TBX4: variants seen among roughly 807,000 people sequenced by gnomAD.
TBX4 encodes T-box transcription factor 4.
TBX4 carries 13 observed loss-of-function variants against 54.6 expected under a neutral mutation model. The observed-to-expected ratio is 0.24, with a 90% CI of 0.15 to 0.38. The LOEUF (loss-of-function observed/expected upper bound fraction) is 0.38. Among genes scored for constraint, TBX4 ranks in the 10% least tolerant of loss-of-function variants. TBX4 has a pLI of 1.00. For synonymous variants in TBX4, 314 were observed against 306.7 expected, an observed-to-expected ratio of 1.02 and a Z score of -0.25; for missense variants, 631 against 728.5, an observed-to-expected ratio of 0.87 and a Z score of 1.54.
In TBX4 at chr17:61,462,564, G is replaced by A. The variant is rs1439889558; in HGVS notation, c.282-3255G>A. On this transcript the variant is annotated intron_variant, in intron 3 of 8. Transcript: ENST00000644296. This position sits in a 1 kb window ranked among gnomAD's most constrained non-coding sequence, Gnocchi z 4.5. The stretch of plus-strand genomic sequence containing the variant: ...GAGAGGGTGCAGGGAGGGGAGAGGG[G>A]GAGCGCGCAAGGAGGGGGCTGGCTG... Among the ~76,000 whole-genome samples, 2 of 151,380 alleles carry A rather than the reference G, an allele frequency of 1.3e-5. No individual in the cohort carries two copies. The highest frequency in any genetic ancestry group is 4.9e-5 in the African/African-American group (2 of 41,226).
chr17:61,467,369 T>G, intron 4 of TBX4, 141 bp from the exon 5 acceptor site: 1 of 917,458 alleles, frequency 1.1e-6, no homozygotes, highest in Non-Finnish European at 1.7e-6. Context: ...CTCCTACCCT[T>G]GAAGTACTAA....
At chr17:61,477,816 C>T (rs1011251403) in intron 5 of TBX4, among the ~76,000 whole-genome samples, 1 of 151,906 alleles carries the variant, frequency 6.6e-6, no homozygotes, top group African/African-American at 2.4e-5. Context: ...TGGAGCACAC[C>T]TGTAATTTCA....
In TBX4 at chr17:61,475,341, G is replaced by A. The variant is rs191444130; in HGVS notation, c.550-3286G>A. On this transcript the variant is annotated intron_variant, in intron 5 of 8. Transcript: ENST00000644296. The surrounding 1 kb of genome is among the most constrained non-coding windows in gnomAD (Gnocchi z 5.0). ...CCCCATATACTGGCAGCAGTGGTAG[G>A]AGGGGATGTGGGGGAAAGAGGAGGA... is the stretch of plus-strand genomic sequence containing the variant. 1.3e-5 allele frequency among the ~76,000 whole-genome samples: 2 copies of A among 152,360 alleles called. No individual in the cohort carries two copies. The highest frequency in any genetic ancestry group is 6.5e-5 in the Admixed American group (1 of 15,312).
intron 1 of TBX4, among the ~76,000 whole-genome samples, chr17:61,454,507 C>A (rs936734965): frequency 1.3e-5 from 2 of 152,212 alleles, no homozygotes; most frequent in Non-Finnish European, 2.9e-5. Flanking sequence ...GAGAGGACCG[C>A]GAGGACGGCC....
chr17:61,468,643 T>G lies in TBX4; in HGVS notation c.549+986T>G, dbSNP rs1048942555. Among the ~76,000 whole-genome samples the G allele has an allele frequency of 2.0e-5, 3 of 152,248 alleles. 1 individual carries two copies. The highest frequency in any genetic ancestry group is 2.9e-5 in the Non-Finnish European group (2 of 68,044). On this transcript the variant is annotated intron_variant, in intron 5 of 8. Coordinates refer to ENST00000644296, the MANE Select transcript of TBX4 (RefSeq NM_001321120.2). The stretch of plus-strand genomic sequence containing the variant: ...AGCTTCTAGTTTTAATTTCTCAGAA[T>G]CTATTCAGTTCGCTTCTGAGTCATT...
chr17:61,469,611 T>C (rs1301086191), intron 5 of TBX4, among the ~76,000 whole-genome samples: 1 of 152,226 alleles, frequency 6.6e-6, no homozygotes, highest in Non-Finnish European at 1.5e-5. Flanking sequence ...CCAGGCCTTC[T>C]GCTTCCAGGT....
At position 61,461,896 on chromosome 17, in the gene TBX4, T is replaced by TG. The variant is rs2060496603; in HGVS notation, c.282-3919dup. Among the ~76,000 whole-genome samples, 1 of 151,572 alleles carries TG rather than the reference T, an allele frequency of 6.6e-6. No individual in the cohort carries two copies. The highest frequency in any genetic ancestry group is 1.5e-5 in the Non-Finnish European group (1 of 67,902). ...GAGAAAGTCGGGGCTGCAGCGGGGT[T>TG]GGGGCTTGGGGGACCCTCCAGGTGG... On this transcript the variant is annotated intron_variant, in intron 3 of 8. Coordinates refer to ENST00000644296, the MANE Select transcript of TBX4 (RefSeq NM_001321120.2). The surrounding 1 kb of genome is among the most constrained non-coding windows in gnomAD (Gnocchi z 5.1).
In TBX4 at chr17:61,455,276, C is replaced by T. The variant is rs115284369; in HGVS notation, c.-3-1212C>T. Among the ~76,000 whole-genome samples the T allele has an allele frequency of 6.1e-3, 929 of 152,256 alleles. 16 individuals are homozygous for T. Among genetic ancestry groups the T allele is most frequent in the African/African-American group, 0.021 (887 of 41,540 alleles). On this transcript the variant is annotated intron_variant, in intron 1 of 8. Coordinates refer to ENST00000644296, the MANE Select transcript of TBX4 (RefSeq NM_001321120.2). Reference sequence around the variant, plus strand: ...ACAAGATGGGCGAGAGGCCTGAGCCCGGGGATGCTCCGGGAGGGCCCGGGG... The same window carrying T: ...ACAAGATGGGCGAGAGGCCTGAGCCTGGGGATGCTCCGGGAGGGCCCGGGG...
At chr17:61,470,528 G>T (rs2143833237) in intron 5 of TBX4, among the ~76,000 whole-genome samples, 1 of 152,270 alleles carries the variant, frequency 6.6e-6, no homozygotes, top group Non-Finnish European at 1.5e-5. Context: ...AACACTCCTT[G>T]TGGGTTTTTG....
At position 61,480,067 on chromosome 17, in the gene TBX4, T is replaced by G. The variant is rs1224450225; in HGVS notation, c.792-23T>G. 1 of 1,612,438 alleles carries G rather than the reference T, an allele frequency of 6.2e-7. No homozygotes were observed. The highest frequency in any genetic ancestry group is 1.3e-5 in the African/African-American group (1 of 74,822). On this transcript the variant is annotated intron_variant, in intron 7 of 8. Transcript: ENST00000644296. This position sits in a 1 kb window ranked among gnomAD's most constrained non-coding sequence, Gnocchi z 6.2. ...ATCTTCACTCTCTTCCTGTCTCTCC[T>G]CCTGTCCTCCCCACCCCTTCAGCAA...
At chr17:61,482,549 C>T (rs1297356802) in intron 8 of TBX4, among the ~76,000 whole-genome samples, 4 of 152,048 alleles carry the variant, frequency 2.6e-5, no homozygotes, top group Admixed American at 6.5e-5. Context: ...TTTCCTTGGC[C>T]AGGGAGGGCC....
chr17:61,466,988 T>A (rs541686656), intron 4 of TBX4, among the ~76,000 whole-genome samples: 3 of 152,204 alleles, frequency 2.0e-5, no homozygotes, highest in Non-Finnish European at 2.9e-5. Flanking sequence ...AAGATCCTTG[T>A]CTCTGTAAAA....
intron 5 of TBX4, among the ~76,000 whole-genome samples, chr17:61,469,632 T>C (rs1183218229): frequency 6.6e-6 from 1 of 152,212 alleles, no homozygotes; most frequent in Non-Finnish European, 1.5e-5. Flanking sequence ...CCAGTGTCTC[T>C]GGGCTTCTCC....
In TBX4 at chr17:61,484,945, A is replaced by AATATATAT. The variant is rs56105625; in HGVS notation, c.*1449_*1456dup. The stretch of plus-strand genomic sequence containing the variant: ...ATGGTTTAGATAAAACATATAAATA[A>AATATATAT]ATATATATATATATATATATATATA... On this transcript the variant is annotated 3_prime_UTR_variant, in exon 9 of 9. Coordinates refer to ENST00000644296, the MANE Select transcript of TBX4 (RefSeq NM_001321120.2). This position sits in a 1 kb window ranked among gnomAD's most constrained non-coding sequence, Gnocchi z 4.1. 538 of 140,578 alleles carry AATATATAT rather than the reference A, an allele frequency of 3.8e-3. 4 individuals carry two copies. The highest frequency in any genetic ancestry group is 5.1e-3 in the South Asian group (23 of 4,504). 8.7% of individuals were successfully genotyped at this position (140,578 alleles called of 1,614,324 possible).
At position 61,478,071 on chromosome 17, in the gene TBX4, A is replaced by C. The variant is rs1285968657; in HGVS notation, c.550-556A>C. The stretch of plus-strand genomic sequence containing the variant: ...TTCCTCAGCTTTTTCCCTCTCTCTC[A>C]TCCTGCAAAACCCAAGTATTTCTAG... On this transcript the variant is annotated intron_variant, in intron 5 of 8. Transcript: ENST00000644296. This position sits in a 1 kb window ranked among gnomAD's most constrained non-coding sequence, Gnocchi z 7.4. 6.6e-6 allele frequency among the ~76,000 whole-genome samples: 1 copy of C among 152,170 alleles called. No individual in the cohort carries two copies. The highest frequency in any genetic ancestry group is 1.9e-4 in the East Asian group (1 of 5,208).
rs2060665988 is a variant in TBX4 at position 61,481,982 on chromosome 17, G to T, written c.1022-915G>T. On this transcript the variant is annotated intron_variant, in intron 8 of 8. Coordinates refer to ENST00000644296, the MANE Select transcript of TBX4 (RefSeq NM_001321120.2). The surrounding 1 kb of genome is among the most constrained non-coding windows in gnomAD (Gnocchi z 4.8). ...GGGTTTCACCATGTTGATCAAGCTGGTCTCGAACTCCTGACCTCAAGTGAT... is the reference window on the plus strand; with the variant it reads ...GGGTTTCACCATGTTGATCAAGCTGTTCTCGAACTCCTGACCTCAAGTGAT... 6.6e-6 allele frequency: 1 copy of T among 152,288 alleles called. No homozygotes were observed. Among genetic ancestry groups the T allele is most frequent in the South Asian group, 2.1e-4 (1 of 4,828 alleles). 9.4% of individuals were successfully genotyped at this position (152,288 alleles called of 1,614,324 possible). A position where few individuals can be genotyped will look rare whatever the true frequency, so the allele number is the denominator to read the frequency against.
At position 61,480,389 on chromosome 17, in the gene TBX4, GCAGCGCCCCCCCCCC is replaced by G; in HGVS notation, c.1021+73_1021+87del. 1 of 1,227,052 alleles carries G rather than the reference GCAGCGCCCCCCCCCC, an allele frequency of 8.1e-7. No homozygotes were observed. The allele number at this position is 1,227,052 out of a possible 1,614,324, so 76.0% of individuals were successfully genotyped here. The stretch of plus-strand genomic sequence containing the variant: ...GTGAGGTTCTCCCCGAAACCACTCT[GCAGCGCCCCCCCCCC>G]CAACACACACACACTCATCTCGTGC... On this transcript the variant is annotated intron_variant, in intron 8 of 8. Coordinates refer to ENST00000644296, the MANE Select transcript of TBX4 (RefSeq NM_001321120.2). This position sits in a 1 kb window ranked among gnomAD's most constrained non-coding sequence, Gnocchi z 6.2.
At position 61,474,171 on chromosome 17, in the gene TBX4, A is replaced by T. The variant is rs1217785649; in HGVS notation, c.550-4456A>T. Among the ~76,000 whole-genome samples, 1 of 152,198 alleles carries T rather than the reference A, an allele frequency of 6.6e-6. No homozygotes were observed. Among genetic ancestry groups the T allele is most frequent in the Admixed American group, 6.5e-5 (1 of 15,270 alleles). Reference sequence around the variant, plus strand: ...GGTAGTCACAGAAAATAAAATTATGATGCAGGGTAAATCTGGTTTTAGTAT... The same window carrying T: ...GGTAGTCACAGAAAATAAAATTATGTTGCAGGGTAAATCTGGTTTTAGTAT... On this transcript the variant is annotated intron_variant, in intron 5 of 8. Transcript: ENST00000644296. The surrounding 1 kb of genome is among the most constrained non-coding windows in gnomAD (Gnocchi z 4.6).
At chr17:61,473,906 C>T (rs1035060654) in intron 5 of TBX4, among the ~76,000 whole-genome samples, 1 of 152,146 alleles carries the variant, frequency 6.6e-6, no homozygotes. Context: ...GTTTGGAGGC[C>T]CCACGGTACC....
Sources: allele counts gnomAD v4.1 joint callset (sites outside exome capture counted in the v4.1 genomes callset), GRCh38; gene constraint gnomAD v4.1.1; non-coding constraint Gnocchi (gnomAD v3.1); transcripts MANE v1.5; gene names NCBI Gene and HGNC (gene_info 2026-07-23, HGNC 2026-07-21).